PTPRN2: variants seen among roughly 807,000 people sequenced by gnomAD.
The protein encoded by PTPRN2 is protein tyrosine phosphatase receptor type N2.
Under a neutral mutation model 118.8 loss-of-function variants are expected in PTPRN2, and 74 were observed. The observed-to-expected ratio is 0.62, with a 90% CI of 0.52 to 0.76. The LOEUF is 0.76. Among genes scored for constraint, PTPRN2 ranks in the 30% least tolerant of loss-of-function variants. The probability of loss-of-function intolerance (pLI) is 0.00; values close to 1 mark genes in which losing one functional copy is unlikely to be tolerated. For missense variants in PTPRN2, 1,481 were observed against 1,394.4 expected, an observed-to-expected ratio of 1.06 and a Z score of -0.99; for synonymous variants, 641 against 608.0, an observed-to-expected ratio of 1.05 and a Z score of -0.80.
In PTPRN2 at chr7:158,311,648, C is replaced by T. The variant is rs34886166; in HGVS notation, c.277+5171G>A. Among the ~76,000 whole-genome samples the T allele has an allele frequency of 4.0e-3, 610 of 152,352 alleles. 4 individuals carry two copies. Among genetic ancestry groups the T allele is most frequent in the Non-Finnish European group, 6.9e-3 (472 of 68,034 alleles). ...TCTTCGTGCAGAAGACTCTGAAGGC[C>T]GCGCAAGCAGCTGTCTGTCAATGAA... On this transcript the variant is annotated intron_variant, in intron 3 of 22. Coordinates refer to ENST00000389418, the MANE Select transcript of PTPRN2 (RefSeq NM_002847.5).
chr7:157,824,659 A>C (rs1585561724), intron 12 of PTPRN2, among the ~76,000 whole-genome samples: 1 of 152,128 alleles, frequency 6.6e-6, no homozygotes. Context: ...GCTCGACAGG[A>C]AGTTCTAGAG....
chr7:158,270,800 A>G (rs146329995), intron 3 of PTPRN2, among the ~76,000 whole-genome samples: 4,331 of 11,284 alleles, frequency 0.38, 443 homozygotes, highest in Non-Finnish European at 0.42. Context: ...CACCTGGACC[A>G]CCCCCTCACC....
In PTPRN2 at chr7:158,238,865, G is replaced by A. The variant is rs113622837; in HGVS notation, c.278-33592C>T. Among the ~76,000 whole-genome samples, 818 of 152,270 alleles carry A rather than the reference G, an allele frequency of 5.4e-3. 11 individuals carry two copies. Among genetic ancestry groups the A allele is most frequent in the African/African-American group, 0.018 (739 of 41,536 alleles). Reference sequence around the variant, plus strand: ...GAGACAAAACCAGGGACCCTGACACGGTGGCTACAAGGGCAGAGGTGAGAG... The same window carrying A: ...GAGACAAAACCAGGGACCCTGACACAGTGGCTACAAGGGCAGAGGTGAGAG... On this transcript the variant is annotated intron_variant, in intron 3 of 22. Transcript: ENST00000389418.
At chr7:158,141,360 C>A (rs1468173158) in intron 6 of PTPRN2, among the ~76,000 whole-genome samples, 1 of 152,218 alleles carries the variant, frequency 6.6e-6, no homozygotes, top group Non-Finnish European at 1.5e-5. Context: ...GCCGCACGTC[C>A]CGTCCTCTCT....
chr7:158,225,414 C>T (rs1828688112), intron 3 of PTPRN2, among the ~76,000 whole-genome samples: 1 of 152,024 alleles, frequency 6.6e-6, no homozygotes, highest in Admixed American at 6.6e-5. Flanking sequence ...TAGTACACAC[C>T]ACAGCCTCGC....
At chr7:157,637,172 G>A (rs1804372120) in intron 14 of PTPRN2, among the ~76,000 whole-genome samples, 1 of 152,136 alleles carries the variant, frequency 6.6e-6, no homozygotes, top group Non-Finnish European at 1.5e-5. Context: ...TATAGTTTAA[G>A]CCATGAGTTA....
intron 5 of PTPRN2, among the ~76,000 whole-genome samples, chr7:158,189,727 A>G (rs1480854580): frequency 6.6e-6 from 1 of 152,188 alleles, no homozygotes; most frequent in Non-Finnish European, 1.5e-5. Context: ...CTGATCATTC[A>G]CTTCCAGCGT....
At chr7:158,450,583 C>T (rs1454120857) in intron 2 of PTPRN2, among the ~76,000 whole-genome samples, 1 of 152,222 alleles carries the variant, frequency 6.6e-6, no homozygotes, top group Non-Finnish European at 1.5e-5. Flanking sequence ...GGAAGCTGTG[C>T]TCACGGCCGC....
intron 2 of PTPRN2, among the ~76,000 whole-genome samples, chr7:158,474,647 A>C: frequency 6.6e-6 from 1 of 152,030 alleles, no homozygotes; most frequent in East Asian, 1.9e-4. Context: ...CCCTCTTCCC[A>C]AGGTCAGCTA....
intron 11 of PTPRN2, among the ~76,000 whole-genome samples, chr7:158,011,101 G>T (rs918518932): frequency 6.6e-6 from 1 of 152,240 alleles, no homozygotes; most frequent in African/African-American, 2.4e-5. Context: ...TGACAGGAAG[G>T]TGTGCAGATG....
intron 21 of PTPRN2, among the ~76,000 whole-genome samples, chr7:157,552,281 A>C (rs909433186): frequency 1.3e-5 from 2 of 152,242 alleles, no homozygotes; most frequent in African/African-American, 4.8e-5. Flanking sequence ...TAGCTTCCCG[A>C]TAAAAATAAT....
chr7:158,522,992 A>G (rs1279980081), intron 1 of PTPRN2, among the ~76,000 whole-genome samples: 1 of 152,238 alleles, frequency 6.6e-6, no homozygotes, highest in Admixed American at 6.5e-5. Flanking sequence ...TTTCAAGAAT[A>G]GCCAAGGGCT....
intron 22 of PTPRN2, among the ~76,000 whole-genome samples, chr7:157,545,598 G>C (rs1798279236): frequency 6.6e-6 from 1 of 152,076 alleles, no homozygotes; most frequent in South Asian, 2.1e-4. Flanking sequence ...TGGGTGCCTG[G>C]ACTTCTCTTC....
rs756440272 is a variant in PTPRN2 at position 158,525,164 on chromosome 7, C to A, written c.113-35379G>T. On this transcript the variant is annotated intron_variant, in intron 1 of 22. Transcript: ENST00000389418. The surrounding 1 kb of genome is among the most constrained non-coding windows in gnomAD (Gnocchi z 4.1). The stretch of plus-strand genomic sequence containing the variant: ...CAGTGCTGGACTTCCCAGCTCCAGG[C>A]TCTGGAGCCGGCTGCAGAGCACAGC... Among the ~76,000 whole-genome samples, 1 of 152,186 alleles carries A rather than the reference C, an allele frequency of 6.6e-6. No homozygotes were observed. The highest frequency in any genetic ancestry group is 1.5e-5 in the Non-Finnish European group (1 of 68,028).
At chr7:158,113,743 C>T (rs564286142) in intron 9 of PTPRN2, among the ~76,000 whole-genome samples, 1 of 152,174 alleles carries the variant, frequency 6.6e-6, no homozygotes, top group East Asian at 1.9e-4. Flanking sequence ...GGCCTCGCAC[C>T]TGCAACAAGA....
At chr7:158,165,703 A>AAGGGAAGTCATGTT in intron 6 of PTPRN2, among the ~76,000 whole-genome samples, 1 of 152,204 alleles carries the variant, frequency 6.6e-6, no homozygotes, top group African/African-American at 2.4e-5. Context: ...TTATCTCCAA[A>AAGGGAAGTCATGTT]AGGGAAGTCA....
chr7:158,368,226 G>A (rs987932317), intron 2 of PTPRN2, among the ~76,000 whole-genome samples: 3 of 152,100 alleles, frequency 2.0e-5, no homozygotes, highest in South Asian at 2.1e-4. Flanking sequence ...CAGGATATTC[G>A]GCAGCAGGCT....
At chr7:158,485,772 G>A (rs1820975959) in intron 2 of PTPRN2, among the ~76,000 whole-genome samples, 2 of 152,120 alleles carry the variant, frequency 1.3e-5, no homozygotes, top group Admixed American at 1.3e-4. Context: ...AGAGAAATAT[G>A]AAGAAAATAA....
intron 3 of PTPRN2, among the ~76,000 whole-genome samples, chr7:158,213,598 A>G (rs912773856): frequency 2.0e-5 from 3 of 152,192 alleles, no homozygotes; most frequent in Non-Finnish European, 2.9e-5. Context: ...TGTACTTAAT[A>G]ATAATCAAGT....
Sources: gnomAD v4.1 joint callset for allele counts (sites outside exome capture counted in the v4.1 genomes callset) on GRCh38, gnomAD v4.1.1 for gene constraint, Gnocchi (gnomAD v3.1) non-coding constraint, MANE v1.5 for transcripts, NCBI Gene and HGNC (gene_info 2026-07-23, HGNC 2026-07-21) for gene names.